The following CD59 variants were observed in gnomAD, a reference collection of about 807,000 sequenced individuals.
The protein encoded by CD59 is CD59 molecule (CD59 blood group).
Under a neutral mutation model 7.0 loss-of-function variants are expected in CD59, and 3 were observed. The ratio of observed to expected loss-of-function variants is 0.43; its 90% CI spans 0.19 to 1.10. CD59 has a LOEUF of 1.10. CD59 is among the 50% of genes least tolerant of loss of function. CD59 has a pLI of 0.29. For synonymous variants in CD59, 60 were observed against 62.0 expected, an observed-to-expected ratio of 0.97 and a Z score of 0.15; for missense variants, 143 against 151.0, an observed-to-expected ratio of 0.95 and a Z score of 0.28.
At position 33,708,087 on chromosome 11, in the gene CD59, G is replaced by A. The variant is rs921485368; in HGVS notation, c.*2039C>T. 3 of 152,210 alleles carry A rather than the reference G, an allele frequency of 2.0e-5. No individual in the cohort carries two copies. The highest frequency in any genetic ancestry group is 7.2e-5 in the African/African-American group (3 of 41,428). The allele number at this position is 152,210 out of a possible 1,614,324, so 9.4% of individuals were successfully genotyped here. On this transcript the variant is annotated 3_prime_UTR_variant, in exon 4 of 4. Transcript: ENST00000642928. ...TTGCCACAGCCCTCTCCAGCCAGGA[G>A]GGCCTGGAGTACCTGGGGTGCTGTT...
chr11:33,734,742 G>A (rs978908749), intron 1 of CD59, among the ~76,000 whole-genome samples: 6 of 152,248 alleles, frequency 3.9e-5, no homozygotes, highest in Admixed American at 2.6e-4. Context: ...TAGGACATAA[G>A]TAAAAAGAAG....
At position 33,709,746 on chromosome 11, in the gene CD59, A is replaced by G. The variant is rs891173064; in HGVS notation, c.*380T>C. On this transcript the variant is annotated 3_prime_UTR_variant, in exon 4 of 4. Transcript: ENST00000642928. ...GAGGATGCTCATATACTCCTGCCCC[A>G]CCCTCCAAAGATGTACTAATGATGC... 1.1e-5 allele frequency: 4 copies of G among 355,142 alleles called. No individual in the cohort carries two copies. The Admixed American group carries it at 1.2e-4, about 11-fold the overall frequency. 22.0% of individuals were successfully genotyped at this position (355,142 alleles called of 1,614,324 possible). A position where few individuals can be genotyped will look rare whatever the true frequency, so the allele number is the denominator to read the frequency against.
Position 33,717,485 on chromosome 11 carries a change from G to C in CD59, c.68-14C>G. On this transcript the variant is annotated splice_polypyrimidine_tract_variant and intron_variant, in intron 2 of 3. Coordinates refer to ENST00000642928, the MANE Select transcript of CD59 (RefSeq NM_000611.6). The stretch of plus-strand genomic sequence containing the variant: ...GCAGGCTATGACCTAGAATCAGGAA[G>C]AAAGTCAGGATCTCTTAAAGCAGCA... The C allele has an allele frequency of 6.5e-7, 1 of 1,536,744 alleles. No homozygotes were observed. The highest frequency in any genetic ancestry group is 9.0e-7 in the Non-Finnish European group (1 of 1,110,004).
intron 1 of CD59, chr11:33,722,760 T>G: frequency 3.5e-6 from 4 of 1,130,168 alleles, no homozygotes; most frequent in Non-Finnish European, 4.5e-6. Context: ...ATATAGCCAC[T>G]GTGGTTCCCA....
intron 3 of CD59, among the ~76,000 whole-genome samples, chr11:33,716,238 G>GC (rs1269053835): frequency 6.6e-6 from 1 of 152,108 alleles, no homozygotes. Context: ...AGATGCCCCT[G>GC]TTTTTTTAGA....
chr11:33,734,399 C>G (rs556218128), intron 1 of CD59, among the ~76,000 whole-genome samples: 1 of 152,320 alleles, frequency 6.6e-6, no homozygotes, highest in African/African-American at 2.4e-5. Context: ...TGGTTTGCTG[C>G]ACCTATCAAC....
intron 3 of CD59, among the ~76,000 whole-genome samples, chr11:33,712,558 T>C (rs1239444887): frequency 6.6e-6 from 1 of 152,236 alleles, no homozygotes; most frequent in African/African-American, 2.4e-5. Flanking sequence ...TATGATTCCT[T>C]GCATATGAAG....
In CD59 at chr11:33,705,840, T is replaced by G. The variant is rs942638738; in HGVS notation, c.*4286A>C. On this transcript the variant is annotated 3_prime_UTR_variant, in exon 4 of 4. Coordinates refer to ENST00000642928, the MANE Select transcript of CD59 (RefSeq NM_000611.6). Reference sequence around the variant, plus strand: ...TTTCAGTTCTGGCCATAGCATTATGTCACACCAACACCAGCATCAATATTT... The same window carrying G: ...TTTCAGTTCTGGCCATAGCATTATGGCACACCAACACCAGCATCAATATTT... 2.0e-5 allele frequency: 3 copies of G among 152,260 alleles called. No homozygotes were observed. Among genetic ancestry groups the G allele is most frequent in the Admixed American group, 6.5e-5 (1 of 15,288 alleles). 9.4% of individuals were successfully genotyped at this position (152,260 alleles called of 1,614,324 possible).
At position 33,703,116 on chromosome 11, in the gene CD59, T is replaced by C. The variant is rs1343062192; in HGVS notation, c.*7010A>G. On this transcript the variant is annotated 3_prime_UTR_variant, in exon 4 of 4. Transcript: ENST00000642928. ...AAAAAATTACAGATTTTTTCCCCCTTACTCCAAGATAATCTAAACAGATTT... is the reference window on the plus strand; with the variant it reads ...AAAAAATTACAGATTTTTTCCCCCTCACTCCAAGATAATCTAAACAGATTT... 4 of 152,250 alleles carry C rather than the reference T, an allele frequency of 2.6e-5. No homozygotes were observed. In the East Asian group the frequency reaches 7.7e-4, roughly 29 times the overall value. 9.4% of individuals were successfully genotyped at this position (152,250 alleles called of 1,614,324 possible).
At chr11:33,715,255 T>C (rs1853737364) in intron 3 of CD59, among the ~76,000 whole-genome samples, 1 of 152,180 alleles carries the variant, frequency 6.6e-6, no homozygotes, top group Non-Finnish European at 1.5e-5. Flanking sequence ...ACTACCAAAC[T>C]GTCATCCACA....
At position 33,709,326 on chromosome 11, in the gene CD59, A is replaced by C. The variant is rs1373207264; in HGVS notation, c.*800T>G. The C allele has an allele frequency of 1.3e-5, 2 of 152,934 alleles. No homozygotes were observed. The highest frequency in any genetic ancestry group is 2.9e-5 in the Non-Finnish European group (2 of 68,648). 9.5% of individuals were successfully genotyped at this position (152,934 alleles called of 1,614,324 possible). A position where few individuals can be genotyped will look rare whatever the true frequency, so the allele number is the denominator to read the frequency against. On this transcript the variant is annotated 3_prime_UTR_variant, in exon 4 of 4. Transcript: ENST00000642928. ...CTGCCTTTCTACCAGTAACATTTAA[A>C]ATAAGCACACTTAATACTGCCAGTC...
Position 33,706,140 on chromosome 11 carries a change from C to G in CD59, c.*3986G>C, listed in dbSNP as rs1853298903. ...CCCTCCTCTCCCAGAGGCTCTGGAC[C>G]TACACAGCTGCTGAAAAAGAGAAAA... On this transcript the variant is annotated 3_prime_UTR_variant, in exon 4 of 4. Transcript: ENST00000642928. 1 of 152,090 alleles carries G rather than the reference C, an allele frequency of 6.6e-6. No homozygotes were observed. The highest frequency in any genetic ancestry group is 6.5e-5 in the Admixed American group (1 of 15,268). 9.4% of individuals were successfully genotyped at this position (152,090 alleles called of 1,614,324 possible). A position where few individuals can be genotyped will look rare whatever the true frequency, so the allele number is the denominator to read the frequency against.
intron 1 of CD59, among the ~76,000 whole-genome samples, chr11:33,724,908 C>T (rs928012967): frequency 1.3e-5 from 2 of 151,982 alleles, no homozygotes; most frequent in Non-Finnish European, 2.9e-5. Flanking sequence ...TAAGACCAGG[C>T]CTTTATGAAC....
At chr11:33,710,806 C>A (rs1395451722) in intron 3 of CD59, among the ~76,000 whole-genome samples, 3 of 151,128 alleles carry the variant, frequency 2.0e-5, no homozygotes, top group African/African-American at 7.3e-5. Context: ...GGTCCTCCTG[C>A]TTCAGCCTCC....
intron 3 of CD59, among the ~76,000 whole-genome samples, chr11:33,712,285 A>C (rs1853592498): frequency 1.3e-5 from 2 of 152,244 alleles, no homozygotes; most frequent in Admixed American, 1.3e-4. Flanking sequence ...CAAGTATCTT[A>C]TCGTAGTTTG....
chr11:33,732,559 G>A (rs916529490), intron 1 of CD59, among the ~76,000 whole-genome samples: 1 of 152,144 alleles, frequency 6.6e-6, no homozygotes, highest in Non-Finnish European at 1.5e-5. Flanking sequence ...CTTCTTTATA[G>A]CAGTGTGAGA....
intron 2 of CD59, among the ~76,000 whole-genome samples, chr11:33,719,911 ATTCAC>A (rs1853975493): frequency 6.6e-6 from 1 of 152,242 alleles, no homozygotes; most frequent in East Asian, 1.9e-4. Context: ...CCAGACATGT[ATTCAC>A]ACGCATGAAA....
chr11:33,730,352 C>A (rs1047322066), intron 1 of CD59, among the ~76,000 whole-genome samples: 1 of 152,044 alleles, frequency 6.6e-6, no homozygotes, highest in Non-Finnish European at 1.5e-5. Flanking sequence ...GAGGTTGAGG[C>A]TGCAGTGGGC....
chr11:33,717,790 A>C, intron 2 of CD59: 1 of 359,738 alleles, frequency 2.8e-6, no homozygotes, highest in Non-Finnish European at 5.4e-6. Flanking sequence ...TTACCGAGAA[A>C]CAAACAGAAT....
Sources: allele counts gnomAD v4.1 joint callset (sites outside exome capture counted in the v4.1 genomes callset), GRCh38; gene constraint gnomAD v4.1.1; transcripts MANE v1.5; gene names NCBI Gene and HGNC (gene_info 2026-07-23, HGNC 2026-07-21).